The following NECAB2 variants were observed in gnomAD, a reference collection of about 807,000 sequenced individuals.
NECAB2 encodes N-terminal EF-hand calcium-binding protein 2.
A neutral mutation model predicts 51.9 loss-of-function variants in NECAB2; 68 were observed. That is an observed-to-expected ratio of 1.31 (90% confidence interval 1.08 to 1.60). The LOEUF (loss-of-function observed/expected upper bound fraction) is 1.60, where lower values mean the gene tolerates loss of function less well. NECAB2 is among the 40% of genes most tolerant of loss of function. The pLI is 0.00. For synonymous variants in NECAB2, 329 were observed against 203.5 expected (o/e 1.62, Z -5.25); for missense variants, 854 against 490.3 (o/e 1.74, Z -7.00).
chr16:83,967,572 G>A (rs1597187800), upstream of NECAB2, among the ~76,000 whole-genome samples: 1 of 144,134 alleles, frequency 6.9e-6, no homozygotes. Context: ...AGGATGGTGG[G>A]TGGATGGATG....
intron 11 of NECAB2, among the ~76,000 whole-genome samples, chr16:84,001,339 G>A (rs547629492): frequency 6.6e-6 from 1 of 152,026 alleles, no homozygotes; most frequent in Non-Finnish European, 1.5e-5. Context: ...GCGGGGCCTA[G>A]GGGTAGCCCA....
chr16:83,990,405 C>G (rs973997377), intron 5 of NECAB2, 89 bp from the exon 6 acceptor site: 4 of 1,520,656 alleles, frequency 2.6e-6, no homozygotes, highest in East Asian at 4.5e-5. Flanking sequence ...TTCACCAGCA[C>G]CAGCTTTCCC....
chr16:83,974,379 G>A (rs371485959), intron 2 of NECAB2, among the ~76,000 whole-genome samples: 1 of 152,132 alleles, frequency 6.6e-6, no homozygotes, highest in Admixed American at 6.5e-5. Flanking sequence ...TGCTCTCCTG[G>A]CTTCGCTCAT....
In NECAB2 at chr16:83,997,301, C is replaced by T. The variant is rs201796991; in HGVS notation, c.849+32C>T. On this transcript the variant is annotated intron_variant, in intron 9 of 12. Transcript: ENST00000305202. ...CCCCTTCCCACCTCTCTTCTGGGACCACATCCCTACCCATGCCAGGACTGC... is the reference window on the plus strand; with the variant it reads ...CCCCTTCCCACCTCTCTTCTGGGACTACATCCCTACCCATGCCAGGACTGC... 2.9e-5 allele frequency: 47 copies of T among 1,613,566 alleles called. No individual in the cohort carries two copies. In the South Asian group the frequency reaches 3.7e-4, roughly 13 times the overall value.
chr16:83,986,960 A>G (rs1567671122), intron 5 of NECAB2, among the ~76,000 whole-genome samples: 1 of 152,306 alleles, frequency 6.6e-6, no homozygotes, highest in Middle Eastern at 3.4e-3. Context: ...TGACGGGTAC[A>G]CTAGAAACGC....
chr16:83,999,957 G>A (rs1394917439), intron 10 of NECAB2, among the ~76,000 whole-genome samples: 3 of 152,210 alleles, frequency 2.0e-5, no homozygotes, highest in Non-Finnish European at 2.9e-5. Context: ...TGGAAGCTCA[G>A]CTCACTGCAA....
At chr16:84,001,211 C>G (rs556561339) in intron 11 of NECAB2, among the ~76,000 whole-genome samples, 1 of 151,746 alleles carries the variant, frequency 6.6e-6, no homozygotes, top group Admixed American at 6.6e-5. Flanking sequence ...GTACGAGGGA[C>G]GGAGATGGGG....
chr16:83,999,477 C>A (rs560440513), intron 10 of NECAB2, among the ~76,000 whole-genome samples: 240 of 152,304 alleles, frequency 1.6e-3, no homozygotes, highest in African/African-American at 5.3e-3. Flanking sequence ...TGAGATTCTA[C>A]TTCCCAGGCA....
At chr16:83,972,235 G>T in intron 2 of NECAB2, 60 bp downstream of exon 2, 1 of 1,610,942 alleles carries the variant, frequency 6.2e-7, no homozygotes, top group Non-Finnish European at 8.5e-7. Context: ...GCTTCATGGG[G>T]AAGGGATCAG....
chr16:83,974,512 G>C (rs147808933), intron 2 of NECAB2, among the ~76,000 whole-genome samples: 21 of 152,258 alleles, frequency 1.4e-4, no homozygotes, highest in East Asian at 1.4e-3. Flanking sequence ...GTCTGGGGGA[G>C]GCTGCCAGCA....
intron 5 of NECAB2, 139 bp from the exon 6 acceptor site, chr16:83,990,355 C>A: frequency 5.4e-6 from 6 of 1,107,656 alleles, no homozygotes; most frequent in Non-Finnish European, 7.9e-6. Context: ...GACTGGACCC[C>A]AGGAGGCCGT....
intron 5 of NECAB2, among the ~76,000 whole-genome samples, chr16:83,987,440 G>A (rs974268399): frequency 6.6e-6 from 1 of 152,098 alleles, no homozygotes; most frequent in African/African-American, 2.4e-5. Flanking sequence ...GTTATATAAT[G>A]GTACGTAGTT....
At position 84,002,429 on chromosome 16, in the gene NECAB2, TG is replaced by T. The variant is rs1262068221; in HGVS notation, c.*85del. 8.6e-6 allele frequency: 13 copies of T among 1,513,002 alleles called. No homozygotes were observed. Among genetic ancestry groups the T allele is most frequent in the African/African-American group, 1.4e-5 (1 of 72,278 alleles). 93.7% of individuals were successfully genotyped at this position (1,513,002 alleles called of 1,614,324 possible). A position where few individuals can be genotyped will look rare whatever the true frequency, so the allele number is the denominator to read the frequency against. The stretch of plus-strand genomic sequence containing the variant: ...CCCGTTTTTTTCTAGACAGACACTT[TG>T]GTGCAGAAGCTTCTTTTCAATCCAT... On this transcript the variant is annotated 3_prime_UTR_variant, in exon 13 of 13. Transcript: ENST00000305202.
At chr16:83,979,000 C>T (rs189613773) in intron 3 of NECAB2, among the ~76,000 whole-genome samples, 126 of 152,254 alleles carry the variant, frequency 8.3e-4, no homozygotes, top group South Asian at 6.2e-3. Context: ...CTCAACACTA[C>T]GTCTATCATT....
intron 11 of NECAB2, among the ~76,000 whole-genome samples, chr16:84,001,614 T>G (rs936783313): frequency 1.3e-5 from 2 of 152,090 alleles, no homozygotes; most frequent in Admixed American, 1.3e-4. Context: ...TGCCCATTTA[T>G]AGCTCACAGG....
chr16:83,984,698 C>G (rs979742882), intron 5 of NECAB2, among the ~76,000 whole-genome samples: 3 of 151,914 alleles, frequency 2.0e-5, no homozygotes, highest in African/African-American at 4.8e-5. Context: ...CCGCTGCAAC[C>G]CAACCTGGGT....
rs2084665897 is a variant in NECAB2, at chr16:83,994,321, A to G, written c.616A>G (p.Ser206Gly). ...SQLRQNHIKP[S>G]HSAAQTWCGS... ...CTGCAGACAGAACCACATCAAACCC[A>G]GCCACAGCGCGGCACAGACCTGGTG... The change falls in exon 7 of 13, where the codon AGC (serine) becomes GGC (glycine). Residue 206 changes from serine (S) to glycine (G), a missense_variant. Coordinates refer to ENST00000305202, the MANE Select transcript of NECAB2 (RefSeq NM_019065.3). 6.2e-7 allele frequency: 1 copy of G among 1,614,200 alleles called. No homozygotes were observed. The highest frequency in any genetic ancestry group is 1.3e-5 in the African/African-American group (1 of 75,036).
chr16:83,983,635 A>C (rs1567669152), intron 5 of NECAB2, among the ~76,000 whole-genome samples: 1 of 151,892 alleles, frequency 6.6e-6, no homozygotes, highest in Non-Finnish European at 1.5e-5. Context: ...CTATTTTTAG[A>C]TTGTCTCAAA....
chr16:83,985,656 G>A lies in NECAB2; in HGVS notation c.459+4529G>A, dbSNP rs996417651. ...CTCAGAAAAAAAAAAAAAAATTACT[G>A]TTGGCGTTCCCATAGCAATCACAGA... is the stretch of plus-strand genomic sequence containing the variant. On this transcript the variant is annotated intron_variant, in intron 5 of 12. Coordinates refer to ENST00000305202, the MANE Select transcript of NECAB2 (RefSeq NM_019065.3). Among the ~76,000 whole-genome samples the A allele has an allele frequency of 1.4e-4, 21 of 151,566 alleles. No individual in the cohort carries two copies. The East Asian group carries it at 4.1e-3, about 29-fold the overall frequency.
Sources: gnomAD v4.1 joint callset for allele counts (sites outside exome capture counted in the v4.1 genomes callset) on GRCh38, gnomAD v4.1.1 for gene constraint, MANE v1.5 for transcripts, NCBI Gene and HGNC (gene_info 2026-07-23, HGNC 2026-07-21) for gene names.